SYT7: variants seen among roughly 807,000 people sequenced by gnomAD.
The protein encoded by SYT7 is synaptotagmin-7.
SYT7 carries 29 observed loss-of-function variants against 75.1 expected under a neutral mutation model. The ratio of observed to expected loss-of-function variants is 0.39; its 90% CI spans 0.29 to 0.53. The LOEUF (loss-of-function observed/expected upper bound fraction) is 0.53. Among genes scored for constraint, SYT7 ranks in the 20% least tolerant of loss-of-function variants. SYT7 has a pLI of 0.77. For missense variants in SYT7, 693 were observed against 953.2 expected, an observed-to-expected ratio of 0.73 and a Z score of 3.59; for synonymous variants, 376 against 401.7, an observed-to-expected ratio of 0.94 and a Z score of 0.76.
At chr11:61,538,064 C>A in intron 7 of SYT7, 80 bp downstream of exon 7, 1 of 1,515,514 alleles carries the variant, frequency 6.6e-7, no homozygotes, top group South Asian at 1.2e-5. Context: ...CGTCCAGCAG[C>A]CGGGGCCGGT....
chr11:61,524,244 C>T lies in SYT7; in HGVS notation c.1641+119G>A, dbSNP rs982843219. The T allele has an allele frequency of 8.1e-7, 1 of 1,240,174 alleles. No individual in the cohort carries two copies. Among genetic ancestry groups the T allele is most frequent in the Non-Finnish European group, 1.1e-6 (1 of 899,402 alleles). 76.8% of individuals were successfully genotyped at this position (1,240,174 alleles called of 1,614,324 possible). A position where few individuals can be genotyped will look rare whatever the true frequency, so the allele number is the denominator to read the frequency against. ...GAGGGCTGAGCTCCATCGGGTCCAC[C>T]CATCTGCACCCTCTCCCACAGCCCT... On this transcript the variant is annotated intron_variant, in intron 10 of 12. Transcript: ENST00000539008. This position sits in a 1 kb window ranked among gnomAD's most constrained non-coding sequence, Gnocchi z 4.1.
intron 1 of SYT7, among the ~76,000 whole-genome samples, chr11:61,566,895 G>A (rs1396656984): frequency 6.6e-6 from 1 of 152,162 alleles, no homozygotes; most frequent in African/African-American, 2.4e-5. Flanking sequence ...TTATCTCCCC[G>A]AGTCATAGGC....
chr11:61,577,891 C>T (rs1026120426), intron 1 of SYT7, among the ~76,000 whole-genome samples: 1 of 152,232 alleles, frequency 6.6e-6, no homozygotes, highest in Non-Finnish European at 1.5e-5. Flanking sequence ...TCTTTTCCTG[C>T]CGCTGTCCTG....
At chr11:61,525,381 G>C (rs2062482693) in intron 9 of SYT7, among the ~76,000 whole-genome samples, 1 of 151,974 alleles carries the variant, frequency 6.6e-6, no homozygotes. Flanking sequence ...TGCTTGGCTT[G>C]TGACCTCTCT....
chr11:61,565,735 T>C (rs1380015680), intron 1 of SYT7, among the ~76,000 whole-genome samples: 3 of 152,210 alleles, frequency 2.0e-5, no homozygotes, highest in African/African-American at 7.2e-5. Flanking sequence ...CCACAACCCC[T>C]TGGGCTTCAC....
At chr11:61,526,580 C>G (rs1445459790) in intron 9 of SYT7, 2 of 152,214 alleles carry the variant, frequency 1.3e-5, no homozygotes, top group Admixed American at 6.5e-5. Flanking sequence ...CATAATGGTG[C>G]CTCATTCTTT....
chr11:61,562,354 T>G (rs2063660662), intron 1 of SYT7, among the ~76,000 whole-genome samples: 1 of 152,208 alleles, frequency 6.6e-6, no homozygotes, highest in Non-Finnish European at 1.5e-5. Context: ...TAACCTAATC[T>G]CTGTGTGCCT....
chr11:61,548,676 A>C (rs1210085246), intron 3 of SYT7, among the ~76,000 whole-genome samples: 1 of 151,968 alleles, frequency 6.6e-6, no homozygotes, highest in Non-Finnish European at 1.5e-5. Flanking sequence ...GGCACACCCC[A>C]CCCCCCAGGA....
In SYT7 at chr11:61,524,003, G is replaced by A. The variant is rs1787438971; in HGVS notation, c.1642-62C>T. The A allele has an allele frequency of 6.7e-7, 1 of 1,495,276 alleles. No homozygotes were observed. Among genetic ancestry groups the A allele is most frequent in the Non-Finnish European group, 9.3e-7 (1 of 1,074,752 alleles). 92.6% of individuals were successfully genotyped at this position (1,495,276 alleles called of 1,614,324 possible). A position where few individuals can be genotyped will look rare whatever the true frequency, so the allele number is the denominator to read the frequency against. ...CTAGCAGAGCTCTCTGATTGGCCTA[G>A]CTGCCCCCAGGTCCCCTCTACCCTG... On this transcript the variant is annotated intron_variant, in intron 10 of 12. Transcript: ENST00000539008. This position sits in a 1 kb window ranked among gnomAD's most constrained non-coding sequence, Gnocchi z 4.1.
intron 1 of SYT7, among the ~76,000 whole-genome samples, chr11:61,565,172 C>T (rs906571672): frequency 5.9e-5 from 9 of 152,254 alleles, no homozygotes; most frequent in South Asian, 2.1e-4. Context: ...CTCCCGATGA[C>T]GTTCAAGGTG....
chr11:61,545,572 G>A (rs187296225), intron 5 of SYT7, among the ~76,000 whole-genome samples: 22 of 152,376 alleles, frequency 1.4e-4, no homozygotes, highest in African/African-American at 5.3e-4. Context: ...TGGGTCTAGA[G>A]CCATCTGCTG....
the SYT7 span, among the ~76,000 whole-genome samples, chr11:61,587,814 C>T: frequency 6.6e-6 from 1 of 152,234 alleles, no homozygotes; most frequent in African/African-American, 2.4e-5. Context: ...GGCAGAGATG[C>T]GCGTGCGCGG....
At chr11:61,537,701 G>A (rs1474355284) in intron 7 of SYT7, among the ~76,000 whole-genome samples, 1 of 152,224 alleles carries the variant, frequency 6.6e-6, no homozygotes, top group Non-Finnish European at 1.5e-5. Flanking sequence ...CTCCAGGCAA[G>A]AGGGAGGTTG....
chr11:61,533,934 C>A (rs1448392673), intron 7 of SYT7, among the ~76,000 whole-genome samples: 1 of 128,634 alleles, frequency 7.8e-6, no homozygotes, highest in Admixed American at 7.7e-5. Flanking sequence ...CCCAGGGTCA[C>A]AGAAAGACGG....
At chr11:61,539,190 G>C (rs1270139323) in intron 6 of SYT7, among the ~76,000 whole-genome samples, 1 of 152,210 alleles carries the variant, frequency 6.6e-6, no homozygotes, top group Non-Finnish European at 1.5e-5. Flanking sequence ...CCTGCAGTGA[G>C]AGATCGTGCT....
rs1308600537 is a variant in SYT7 at position 61,576,737 on chromosome 11, G to A, written c.31+4053C>T. Among the ~76,000 whole-genome samples the A allele has an allele frequency of 6.6e-6, 1 of 151,076 alleles. No individual in the cohort carries two copies. The highest frequency in any genetic ancestry group is 1.5e-5 in the Non-Finnish European group (1 of 67,746). On this transcript the variant is annotated intron_variant, in intron 1 of 12. Coordinates refer to ENST00000539008, the MANE Select transcript of SYT7 (RefSeq NM_001365809.2). This position sits in a 1 kb window ranked among gnomAD's most constrained non-coding sequence, Gnocchi z 4.1. ...TGGGGAGTAGGATGGGGGGACTCAGGAGGGGCAGGAGGGGGAGGGAACCAT... is the reference window on the plus strand; with the variant it reads ...TGGGGAGTAGGATGGGGGGACTCAGAAGGGGCAGGAGGGGGAGGGAACCAT...
intron 8 of SYT7, chr11:61,530,748 G>A: frequency 1.0e-6 from 1 of 962,598 alleles, no homozygotes; most frequent in South Asian, 4.8e-5. Flanking sequence ...GGAAGGCCTG[G>A]GCTGGCCAGG....
chr11:61,585,979 G>A (rs964577433), upstream of SYT7, among the ~76,000 whole-genome samples: 13 of 152,172 alleles, frequency 8.5e-5, no homozygotes, highest in African/African-American at 2.7e-4. Context: ...GGCAAGGGCT[G>A]GCTGTCTTTC....
chr11:61,521,261 C>T (rs913823542), intron 12 of SYT7, among the ~76,000 whole-genome samples: 1 of 152,168 alleles, frequency 6.6e-6, no homozygotes, highest in African/African-American at 2.4e-5. Flanking sequence ...AGTTACCAGG[C>T]CAAAGTGAGA....
Sources: allele counts gnomAD v4.1 joint callset (sites outside exome capture counted in the v4.1 genomes callset), GRCh38; gene constraint gnomAD v4.1.1; non-coding constraint Gnocchi (gnomAD v3.1); transcripts MANE v1.5; gene names NCBI Gene and HGNC (gene_info 2026-07-23, HGNC 2026-07-21).